KLHL1: variants seen among roughly 807,000 people sequenced by gnomAD.
KLHL1 encodes the protein kelch like family member 1, also known as kelch-like protein 1.
A neutral mutation model predicts 77.7 loss-of-function variants in KLHL1; 47 were observed. That is an observed-to-expected ratio of 0.60 (90% confidence interval 0.48 to 0.77). KLHL1 has a LOEUF of 0.77. Ranked by LOEUF, KLHL1 falls within the 30% of genes least tolerant of loss-of-function variation. The pLI, the probability that KLHL1 is intolerant of heterozygous loss-of-function variation, is 0.00. For missense variants in KLHL1, 925 were observed against 910.8 expected, an observed-to-expected ratio of 1.02 and a Z score of -0.20; for synonymous variants, 360 against 325.2, an observed-to-expected ratio of 1.11 and a Z score of -1.15.
chr13:70,016,400 C>G (rs932410001), intron 1 of KLHL1, among the ~76,000 whole-genome samples: 1 of 152,226 alleles, frequency 6.6e-6, no homozygotes, highest in South Asian at 2.1e-4. Context: ...TCCATGCACT[C>G]TTGGGGGCCC....
In KLHL1 at chr13:69,844,021, T is replaced by A. The variant is rs1455383689; in HGVS notation, c.1228-4859A>T. Among the ~76,000 whole-genome samples, 7 of 151,710 alleles carry A rather than the reference T, an allele frequency of 4.6e-5. No homozygotes were observed. The East Asian group carries it at 1.4e-3, about 29-fold the overall frequency. ...TTTCTAAGAAAATGTTACAAACAAA[T>A]ACATGCAAAGATAGATAAGGATTAT... On this transcript the variant is annotated intron_variant, in intron 5 of 10. Coordinates refer to ENST00000377844, the MANE Select transcript of KLHL1 (RefSeq NM_020866.3).
chr13:70,068,104 G>A lies in KLHL1; in HGVS notation c.497+39099C>T, dbSNP rs558100054. Among the ~76,000 whole-genome samples the A allele has an allele frequency of 7.2e-3, 1,100 of 151,754 alleles. 9 individuals are homozygous for A. Among genetic ancestry groups the A allele is most frequent in the Non-Finnish European group, 0.012 (812 of 67,942 alleles). On this transcript the variant is annotated intron_variant, in intron 1 of 10. Coordinates refer to ENST00000377844, the MANE Select transcript of KLHL1 (RefSeq NM_020866.3). Reference sequence around the variant, plus strand: ...CGCCTGTAATCCCAGCACTTTGGGAGGCCGAGGCGGGCGGATCACGAGGTC... The same window carrying A: ...CGCCTGTAATCCCAGCACTTTGGGAAGCCGAGGCGGGCGGATCACGAGGTC...
intron 4 of KLHL1, among the ~76,000 whole-genome samples, chr13:69,905,049 T>A (rs1882002182): frequency 6.6e-6 from 1 of 152,232 alleles, no homozygotes; most frequent in African/African-American, 2.4e-5. Context: ...AACCTTTCTG[T>A]TTTCTGTAAA....
intron 1 of KLHL1, among the ~76,000 whole-genome samples, chr13:70,104,451 A>G (rs890334778): frequency 1.3e-5 from 2 of 152,138 alleles, no homozygotes; most frequent in African/African-American, 4.8e-5. Context: ...AACTTTCCCC[A>G]AATGTCCTCC....
chr13:69,734,732 T>C (rs1593783452), intron 8 of KLHL1, among the ~76,000 whole-genome samples: 1 of 152,216 alleles, frequency 6.6e-6, no homozygotes, highest in East Asian at 1.9e-4. Context: ...TTTGTGGCAG[T>C]GATGAAATTA....
intron 1 of KLHL1, among the ~76,000 whole-genome samples, chr13:69,995,482 A>G: frequency 6.6e-6 from 1 of 152,242 alleles, no homozygotes; most frequent in Middle Eastern, 3.4e-3. Context: ...AAGTTATTTT[A>G]TTTAAATTAG....
chr13:70,035,828 C>T (rs985556800), intron 1 of KLHL1, among the ~76,000 whole-genome samples: 5 of 151,682 alleles, frequency 3.3e-5, no homozygotes, highest in African/African-American at 4.8e-5. Context: ...AGGAATAATG[C>T]TAACAAAATG....
chr13:69,925,692 A>G (rs528389336), intron 4 of KLHL1, among the ~76,000 whole-genome samples: 1 of 111,556 alleles, frequency 9.0e-6, no homozygotes, highest in African/African-American at 3.1e-5. Context: ...TAACATTTGA[A>G]GTTTTATTGC....
chr13:69,773,213 G>A (rs538621012), intron 7 of KLHL1, among the ~76,000 whole-genome samples: 2 of 152,058 alleles, frequency 1.3e-5, no homozygotes, highest in African/African-American at 4.8e-5. Context: ...TACACTTTAA[G>A]GGAATATAAT....
intron 7 of KLHL1, among the ~76,000 whole-genome samples, chr13:69,746,088 T>C (rs1024751773): frequency 6.6e-6 from 1 of 151,568 alleles, no homozygotes; most frequent in East Asian, 1.9e-4. Flanking sequence ...CTATTGCAAT[T>C]GGCATTTTTA....
chr13:70,005,766 C>A (rs1237025078), intron 1 of KLHL1, among the ~76,000 whole-genome samples: 1 of 151,754 alleles, frequency 6.6e-6, no homozygotes, highest in East Asian at 1.9e-4. Flanking sequence ...ATAAATACAT[C>A]GTTTTATTTG....
At position 70,079,315 on chromosome 13, in the gene KLHL1, C is replaced by T. The variant is rs79835517; in HGVS notation, c.497+27888G>A. On this transcript the variant is annotated intron_variant, in intron 1 of 10. Transcript: ENST00000377844. ...ACTGAATCAAAATCTCCCAGCATGG[C>T]ATTTACCAATTGTTACAGTTCAAAG... 3.1e-3 allele frequency among the ~76,000 whole-genome samples: 466 copies of T among 152,274 alleles called. 11 individuals are homozygous for T. In the East Asian group the frequency reaches 0.066, roughly 22 times the overall value.
chr13:70,024,000 A>G (rs546835762), intron 1 of KLHL1, among the ~76,000 whole-genome samples: 1 of 151,944 alleles, frequency 6.6e-6, no homozygotes, highest in South Asian at 2.1e-4. Context: ...TTTTCTCTTG[A>G]TGTCTGTCAA....
At chr13:69,961,006 T>C (rs1165663070) in intron 3 of KLHL1, among the ~76,000 whole-genome samples, 3 of 151,986 alleles carry the variant, frequency 2.0e-5, no homozygotes, top group Non-Finnish European at 2.9e-5. Context: ...TAAGCAAACA[T>C]GGACATAAAC....
chr13:69,744,427 G>A (rs527986034), intron 7 of KLHL1, among the ~76,000 whole-genome samples: 28 of 151,832 alleles, frequency 1.8e-4, no homozygotes, highest in African/African-American at 6.0e-4. Flanking sequence ...ATCCATATGT[G>A]TCTTGTTTTT....
chr13:69,823,527 T>C (rs896829915), intron 6 of KLHL1, among the ~76,000 whole-genome samples: 2 of 147,790 alleles, frequency 1.4e-5, no homozygotes, highest in African/African-American at 5.3e-5. Context: ...GGACTAGATG[T>C]ATATACACAC....
intron 7 of KLHL1, among the ~76,000 whole-genome samples, chr13:69,780,723 TATATATATAC>T (rs1356342807): frequency 0.028 from 1,708 of 60,984 alleles, 90 homozygotes; most frequent in Non-Finnish European, 0.043. Context: ...TATGTATATA[TATATATATAC>T]ATATATATAT....
intron 4 of KLHL1, among the ~76,000 whole-genome samples, chr13:69,884,200 A>G (rs1002143679): frequency 6.6e-6 from 1 of 152,204 alleles, no homozygotes; most frequent in African/African-American, 2.4e-5. Flanking sequence ...CTTTCAGGGC[A>G]TCTGTCATAC....
At chr13:69,977,736 T>G (rs1431585299) in intron 1 of KLHL1, among the ~76,000 whole-genome samples, 3 of 152,134 alleles carry the variant, frequency 2.0e-5, no homozygotes, top group Admixed American at 1.3e-4. Context: ...CCTCTTGAGA[T>G]GCAGAACCAC....
Sources: allele counts gnomAD v4.1 joint callset (sites outside exome capture counted in the v4.1 genomes callset), GRCh38; gene constraint gnomAD v4.1.1; transcripts MANE v1.5; gene names NCBI Gene and HGNC (gene_info 2026-07-23, HGNC 2026-07-21).